The following EIF3H variants were observed in gnomAD, a reference collection of about 807,000 sequenced individuals.
EIF3H encodes eukaryotic translation initiation factor 3 subunit H.
In EIF3H, 26 loss-of-function variants were observed where a neutral mutation model predicts 44.2. The observed-to-expected ratio is 0.59, with a 90% CI of 0.43 to 0.82. The LOEUF (loss-of-function observed/expected upper bound fraction) is 0.82. Among genes scored for constraint, EIF3H ranks in the 40% least tolerant of loss-of-function variants. The probability of loss-of-function intolerance (pLI) is 0.00; values close to 1 mark genes in which losing one functional copy is unlikely to be tolerated. For missense variants in EIF3H, 359 were observed against 432.8 expected (o/e 0.83, Z 1.51); for synonymous variants, 166 against 151.9 (o/e 1.09, Z -0.68).
At chr8:116,699,808 T>TG (rs1554600389) in intron 2 of EIF3H, among the ~76,000 whole-genome samples, 4 of 152,034 alleles carry the variant, frequency 2.6e-5, no homozygotes, top group Non-Finnish European at 4.4e-5. Context: ...TTTTGGTTTT[T>TG]TTTGTTTGTT....
intron 2 of EIF3H, among the ~76,000 whole-genome samples, chr8:116,680,301 C>A (rs1460372839): frequency 2.3e-5 from 1 of 43,150 alleles, no homozygotes; most frequent in Non-Finnish European, 5.9e-5. Context: ...CCCCTCTGCC[C>A]GGCCACGACC....
intron 1 of EIF3H, among the ~76,000 whole-genome samples, chr8:116,736,206 A>G (rs979260377): frequency 6.6e-6 from 1 of 152,240 alleles, no homozygotes; most frequent in Admixed American, 6.5e-5. Context: ...AAGCTGATAG[A>G]TAAGTGGTTG....
At chr8:116,752,785 G>GA (rs1294716422) in intron 1 of EIF3H, among the ~76,000 whole-genome samples, 916 of 54,664 alleles carry the variant, frequency 0.017, 92 homozygotes, top group South Asian at 0.075. Context: ...GGGAGGGAGG[G>GA]AGGGAGGGAG....
intron 2 of EIF3H, among the ~76,000 whole-genome samples, chr8:116,721,312 T>C (rs1227829691): frequency 2.0e-5 from 3 of 152,210 alleles, no homozygotes; most frequent in African/African-American, 7.2e-5. Context: ...AAGTCAAGAA[T>C]TGAGGTTTGG....
intron 2 of EIF3H, among the ~76,000 whole-genome samples, chr8:116,663,390 T>C (rs547623521): frequency 6.6e-6 from 1 of 152,344 alleles, no homozygotes; most frequent in East Asian, 1.9e-4. Context: ...TGTTCTCATA[T>C]TTAAGGGAAG....
At chr8:116,712,112 G>A (rs768275386) in intron 2 of EIF3H, among the ~76,000 whole-genome samples, 13 of 152,174 alleles carry the variant, frequency 8.5e-5, no homozygotes, top group Non-Finnish European at 1.6e-4. Flanking sequence ...TGCCGCCGCC[G>A]CCGCTGCTGC....
At chr8:116,742,088 A>C (rs1815142753) in intron 1 of EIF3H, among the ~76,000 whole-genome samples, 1 of 151,556 alleles carries the variant, frequency 6.6e-6, no homozygotes, top group African/African-American at 2.4e-5. Context: ...TCAATAGGAA[A>C]AAAAAAAAAA....
At chr8:116,736,465 T>A (rs956541861) in intron 1 of EIF3H, among the ~76,000 whole-genome samples, 2 of 152,104 alleles carry the variant, frequency 1.3e-5, no homozygotes, top group African/African-American at 4.8e-5. Flanking sequence ...ATTGAGACCA[T>A]CCTGACTAAC....
intron 1 of EIF3H, among the ~76,000 whole-genome samples, chr8:116,741,469 A>G (rs12548574): frequency 0.021 from 3,248 of 152,346 alleles, 146 homozygotes; most frequent in Admixed American, 0.13. Context: ...ATGTGTGTTT[A>G]TGTGTAATTT....
chr8:116,720,966 T>C (rs1157264952), intron 2 of EIF3H, among the ~76,000 whole-genome samples: 5 of 152,026 alleles, frequency 3.3e-5, no homozygotes, highest in African/African-American at 9.7e-5. Flanking sequence ...AACAATGCGA[T>C]AGAAAAGAAA....
At chr8:116,760,626 G>A (rs1815509230), upstream of EIF3H, among the ~76,000 whole-genome samples, 2 of 152,120 alleles carry the variant, frequency 1.3e-5, no homozygotes, top group African/African-American at 4.8e-5. Context: ...AAAAATTTGA[G>A]AGGATTGTAA....
chr8:116,745,905 A>G (rs66883336), intron 1 of EIF3H, among the ~76,000 whole-genome samples: 33,598 of 151,558 alleles, frequency 0.22, 4,518 homozygotes, highest in African/African-American at 0.38. Flanking sequence ...CGGTCGACAG[A>G]GCAAGACTCT....
chr8:116,650,210 A>C (rs1391672881), intron 5 of EIF3H, among the ~76,000 whole-genome samples: 1 of 152,216 alleles, frequency 6.6e-6, no homozygotes, highest in Non-Finnish European at 1.5e-5. Flanking sequence ...AGAAACCAGG[A>C]GGTTAGTTAA....
chr8:116,737,689 AAATT>A (rs2130951519), intron 1 of EIF3H: 1 of 153,910 alleles, frequency 6.5e-6, no homozygotes, highest in South Asian at 2.0e-4. Context: ...ATTTTAAAAA[AAATT>A]AATAGTAATA....
intron 2 of EIF3H, among the ~76,000 whole-genome samples, chr8:116,698,840 G>A (rs1178702734): frequency 1.3e-5 from 2 of 152,100 alleles, no homozygotes; most frequent in East Asian, 1.9e-4. Context: ...AGAAACAGAG[G>A]TGGAGCTGTT....
At chr8:116,693,193 T>C (rs574011935) in intron 2 of EIF3H, among the ~76,000 whole-genome samples, 25 of 152,316 alleles carry the variant, frequency 1.6e-4, no homozygotes, top group Admixed American at 9.8e-4. Context: ...TGTTAAATAA[T>C]CAAATAGACC....
At chr8:116,754,465 A>T (rs1040460302) in intron 1 of EIF3H, among the ~76,000 whole-genome samples, 2 of 152,236 alleles carry the variant, frequency 1.3e-5, no homozygotes, top group Non-Finnish European at 2.9e-5. Flanking sequence ...TCCAAAGTTA[A>T]TCTCTTGCCT....
intron 4 of EIF3H, among the ~76,000 whole-genome samples, chr8:116,656,441 C>G (rs1393620820): frequency 6.6e-6 from 1 of 152,134 alleles, no homozygotes; most frequent in Non-Finnish European, 1.5e-5. Context: ...TAGCAGAACA[C>G]AAGGAGACTC....
At chr8:116,711,404 T>C (rs1814570243) in intron 2 of EIF3H, among the ~76,000 whole-genome samples, 1 of 152,178 alleles carries the variant, frequency 6.6e-6, no homozygotes, top group South Asian at 2.1e-4. Context: ...TATTTTATCT[T>C]TTTTCATGGG....
Sources: gnomAD v4.1 joint callset for allele counts (sites outside exome capture counted in the v4.1 genomes callset) on GRCh38, gnomAD v4.1.1 for gene constraint, MANE v1.5 for transcripts, NCBI Gene and HGNC (gene_info 2026-07-23, HGNC 2026-07-21) for gene names.